The following FAM120C variants were observed in gnomAD, a reference collection of about 807,000 sequenced individuals.
FAM120C encodes the protein constitutive coactivator of PPAR-gamma-like protein 2.
A neutral mutation model predicts 71.2 loss-of-function variants in FAM120C; 14 were observed. The observed-to-expected ratio is 0.20, with a 90% CI of 0.13 to 0.31. The LOEUF (loss-of-function observed/expected upper bound fraction) is 0.31, where lower values mean the gene tolerates loss of function less well. FAM120C is among the 10% of genes least tolerant of loss of function. The pLI is 1.00. For missense variants in FAM120C, 500 were observed against 879.0 expected, an observed-to-expected ratio of 0.57 and a Z score of 5.45; for synonymous variants, 354 against 353.2, an observed-to-expected ratio of 1.00 and a Z score of -0.03.
At chrX:54,083,950 C>T (rs1164815995) in intron 13 of FAM120C, among the ~76,000 whole-genome samples, 2 of 111,433 alleles carry the variant, frequency 1.8e-5, no homozygotes, top group Admixed American at 9.7e-5. Context: ...GAACTCATGA[C>T]CTCAAGTGAT....
chrX:54,149,760 C>A (rs2067175691), intron 4 of FAM120C, among the ~76,000 whole-genome samples: 1 of 111,312 alleles, frequency 9.0e-6, no homozygotes, highest in Non-Finnish European at 1.9e-5. Flanking sequence ...GGTGTTATTA[C>A]AAAGGGATAG....
chrX:54,083,433 CCACACACACA>C lies in FAM120C; in HGVS notation c.2840-1983_2840-1974del, dbSNP rs781964795. Among the ~76,000 whole-genome samples the C allele has an allele frequency of 7.0e-3, 556 of 78,932 alleles. 5 individuals carry two copies. Among genetic ancestry groups the C allele is most frequent in the African/African-American group, 0.025 (522 of 21,066 alleles). 68.5% of individuals were successfully genotyped at this position (78,932 alleles called of 115,157 possible). Reference sequence around the variant, plus strand: ...AGGGCAACATAGCGAGACCCCATCTCCACACACACACACACACACACACACACACACACAC... The same window carrying C: ...AGGGCAACATAGCGAGACCCCATCTCCACACACACACACACACACACACAC... On this transcript the variant is annotated intron_variant, in intron 13 of 15. Transcript: ENST00000375180.
intron 1 of FAM120C, among the ~76,000 whole-genome samples, chrX:54,172,074 A>G (rs1439683397): frequency 8.9e-6 from 1 of 112,749 alleles, no homozygotes; most frequent in Non-Finnish European, 1.9e-5. Flanking sequence ...TGAGTTTCCC[A>G]AAGGCATAAT....
chrX:54,081,583 G>T lies in FAM120C; in HGVS notation c.2840-123C>A, dbSNP rs184628605. On this transcript the variant is annotated intron_variant, in intron 13 of 15. Transcript: ENST00000375180. ...AGTCAGGAGTTCCAGAGCCAGCCTA[G>T]CCAACATGGTGAAACCCTGTCTCTA... 2.4e-5 allele frequency: 17 copies of T among 712,310 alleles called. No homozygotes were observed. The East Asian group carries it at 6.2e-4, about 26-fold the overall frequency. 58.7% of individuals were successfully genotyped at this position (712,310 alleles called of 1,213,427 possible). A position where few individuals can be genotyped will look rare whatever the true frequency, so the allele number is the denominator to read the frequency against.
intron 4 of FAM120C, among the ~76,000 whole-genome samples, chrX:54,136,975 CAG>C (rs1210205299): frequency 2.8e-5 from 3 of 108,467 alleles, no homozygotes; most frequent in African/African-American, 1.0e-4. Flanking sequence ...TTATTTGAGA[CAG>C]AGTCTCGCTC....
intron 10 of FAM120C, among the ~76,000 whole-genome samples, chrX:54,101,261 G>A (rs2066880884): frequency 9.0e-6 from 1 of 111,403 alleles, no homozygotes; most frequent in Non-Finnish European, 1.9e-5. Context: ...GGGCTGAGAT[G>A]AGGGAAGCAG....
rs147986664 is a variant in FAM120C at position 54,132,842 on chromosome X, A to T, written c.1912T>A (p.Cys638Ser). ...LTKGEIKIPV[C>S]IEDECNMELP... ...TCCATGTTACACTCATCCTCAATACATACGGGGATCTTAATTTCACCCTAA... is the reference window on the plus strand; with the variant it reads ...TCCATGTTACACTCATCCTCAATACTTACGGGGATCTTAATTTCACCCTAA... The change falls in exon 9 of 16, where the codon TGT becomes AGT. Residue 638 changes from cysteine to serine, a missense_variant. Around this residue, in one of 11 missense-constraint regions of FAM120C, gnomAD observed 104 missense variants for 254.5 expected, o/e 0.41. Transcript: ENST00000375180. The T allele has an allele frequency of 4.2e-6, 5 of 1,189,169 alleles. No homozygotes were observed.
chrX:54,092,707 C>T (rs1292224072), intron 10 of FAM120C, among the ~76,000 whole-genome samples: 1 of 111,812 alleles, frequency 8.9e-6, no homozygotes, highest in Non-Finnish European at 1.9e-5. Flanking sequence ...GTCAGAAGGA[C>T]TGGTTTGATA....
intron 13 of FAM120C, 112 bp from the exon 14 acceptor site, chrX:54,081,572 G>C (rs1557121313): frequency 4.9e-6 from 4 of 808,962 alleles, no homozygotes; most frequent in Non-Finnish European, 1.7e-6. Context: ...AGGAGTTCCA[G>C]AGCCAGCCTA....
chrX:54,081,474 A>G lies in FAM120C; in HGVS notation c.2840-14T>C. On this transcript the variant is annotated splice_polypyrimidine_tract_variant and intron_variant, in intron 13 of 15. Coordinates refer to ENST00000375180, the MANE Select transcript of FAM120C (RefSeq NM_017848.6). ...TTGGATGGAGACCTGGCAAGATAGA[A>G]AGAATGGTGGTAATGGGCCAGGTGT... is the stretch of plus-strand genomic sequence containing the variant. 1 of 1,202,132 alleles carries G rather than the reference A, an allele frequency of 8.3e-7. No individual in the cohort carries two copies. Among genetic ancestry groups the G allele is most frequent in the Non-Finnish European group, 1.1e-6 (1 of 890,422 alleles).
intron 4 of FAM120C, among the ~76,000 whole-genome samples, chrX:54,144,628 AAGG>A (rs1277773056): frequency 9.0e-6 from 1 of 111,635 alleles, no homozygotes; most frequent in Non-Finnish European, 1.9e-5. Flanking sequence ...GGACCTCTTC[AAGG>A]AGAACTACAA....
chrX:54,118,482 G>A (rs1211370746), intron 9 of FAM120C, among the ~76,000 whole-genome samples: 2 of 109,384 alleles, frequency 1.8e-5, no homozygotes, highest in African/African-American at 6.6e-5. Context: ...GAGTGTAAGT[G>A]CTGGGTTGTA....
intron 10 of FAM120C, among the ~76,000 whole-genome samples, chrX:54,101,002 T>A (rs1172329384): frequency 9.0e-6 from 1 of 111,505 alleles, no homozygotes; most frequent in Non-Finnish European, 1.9e-5. Context: ...ATGTTCCTAC[T>A]GGGCATTGCT....
chrX:54,150,177 T>C (rs1439210308), intron 4 of FAM120C, among the ~76,000 whole-genome samples: 2 of 111,815 alleles, frequency 1.8e-5, no homozygotes, highest in Admixed American at 9.6e-5. Context: ...AAAATATAGG[T>C]CAACAATCCA....
chrX:54,140,064 C>T (rs1484618777), intron 4 of FAM120C, among the ~76,000 whole-genome samples: 7 of 110,202 alleles, frequency 6.4e-5, no homozygotes, highest in African/African-American at 9.9e-5. Flanking sequence ...GAGGCCGAGG[C>T]GGGCGGATCA....
rs182434912 is a variant in FAM120C, at chrX:54,115,351, T to C, written c.2312+1194A>G. Among the ~76,000 whole-genome samples, 391 of 111,754 alleles carry C rather than the reference T, an allele frequency of 3.5e-3. 2 individuals carry two copies. Among genetic ancestry groups the C allele is most frequent in the African/African-American group, 0.012 (368 of 30,767 alleles). ...CTCAAATGGCTAATAAGCATAAAAA[T>C]AGAAGATCAACCTCCTCTGTAGTCA... is the stretch of plus-strand genomic sequence containing the variant. On this transcript the variant is annotated intron_variant, in intron 10 of 15. Transcript: ENST00000375180.
chrX:54,077,144 G>C (rs1232045995), intron 15 of FAM120C, among the ~76,000 whole-genome samples: 4 of 110,731 alleles, frequency 3.6e-5, no homozygotes, highest in African/African-American at 1.3e-4. Flanking sequence ...TGATACCAAG[G>C]CCTCTCTTGT....
chrX:54,152,512 C>A (rs1277609330), intron 3 of FAM120C, among the ~76,000 whole-genome samples: 2 of 112,254 alleles, frequency 1.8e-5, no homozygotes, highest in African/African-American at 6.5e-5. Context: ...CCTGCCATGG[C>A]CTCCCAAAGT....
At chrX:54,114,255 G>A (rs1285632281) in intron 10 of FAM120C, among the ~76,000 whole-genome samples, 4 of 110,644 alleles carry the variant, frequency 3.6e-5, no homozygotes, top group Non-Finnish European at 7.6e-5. Context: ...ATACACATTG[G>A]GGACTCAGAA....
Sources: allele counts gnomAD v4.1 joint callset (sites outside exome capture counted in the v4.1 genomes callset), GRCh38; gene constraint gnomAD v4.1.1; regional missense constraint gnomAD v4.1.1; transcripts MANE v1.5; gene names NCBI Gene and HGNC (gene_info 2026-07-23, HGNC 2026-07-21).